Variants in RANBP3 observed in about 807,000 individuals in gnomAD.
RANBP3 encodes the protein RAN binding protein 3, also known as ran-binding protein 3.
In RANBP3, 14 loss-of-function variants were observed where a neutral mutation model predicts 77.3. The observed-to-expected ratio is 0.18, with a 90% CI of 0.12 to 0.28. The LOEUF is 0.28. Among genes scored for constraint, RANBP3 ranks in the 10% least tolerant of loss-of-function variants. RANBP3 has a pLI of 1.00. For missense variants in RANBP3, 586 were observed against 752.3 expected (o/e 0.78, Z 2.59); for synonymous variants, 315 against 312.4 (o/e 1.01, Z -0.09).
chr19:5,968,213 G>C (rs532086567), intron 1 of RANBP3, among the ~76,000 whole-genome samples: 41 of 152,274 alleles, frequency 2.7e-4, no homozygotes, highest in African/African-American at 9.9e-4. Flanking sequence ...AAGCTTACAG[G>C]AAGGAAATCC....
intron 2 of RANBP3, among the ~76,000 whole-genome samples, chr19:5,956,911 A>G (rs1168396479): frequency 6.6e-6 from 1 of 152,214 alleles, no homozygotes; most frequent in African/African-American, 2.4e-5. Context: ...CATCCTCAAA[A>G]TGCACCGAAT....
At position 5,924,800 on chromosome 19, in the gene RANBP3, GA is replaced by G; in HGVS notation, c.996+26del. On this transcript the variant is annotated intron_variant, in intron 11 of 16. Transcript: ENST00000340578. This position sits in a 1 kb window ranked among gnomAD's most constrained non-coding sequence, Gnocchi z 4.7. ...CTGGCGCCGAGAGCCTCTGGTCCCT[GA>G]GAACATTCCCAACACAGCCACTCAC... 6.2e-7 allele frequency: 1 copy of G among 1,604,284 alleles called. No homozygotes were observed. The highest frequency in any genetic ancestry group is 8.5e-7 in the Non-Finnish European group (1 of 1,171,022).
At chr19:5,930,560 C>T (rs1171959287) in intron 8 of RANBP3, among the ~76,000 whole-genome samples, 4 of 152,188 alleles carry the variant, frequency 2.6e-5, no homozygotes, top group Admixed American at 6.5e-5. Context: ...ACCATACCCC[C>T]GCTTAAATGG....
chr19:5,931,804 G>A (rs1043476549), intron 7 of RANBP3, among the ~76,000 whole-genome samples: 2 of 152,150 alleles, frequency 1.3e-5, no homozygotes, highest in Non-Finnish European at 2.9e-5. Flanking sequence ...AGGCTGAAGC[G>A]GGGAGAATGC....
At chr19:5,923,752 C>T in intron 12 of RANBP3, 60 bp downstream of exon 12, 1 of 1,406,180 alleles carries the variant, frequency 7.1e-7, no homozygotes, top group Non-Finnish European at 1.0e-6. Context: ...TGTGAATGGA[C>T]CCAGCATCCC....
intron 9 of RANBP3, among the ~76,000 whole-genome samples, chr19:5,927,034 C>T (rs529399184): frequency 6.6e-6 from 1 of 152,240 alleles, no homozygotes; most frequent in East Asian, 1.9e-4. Flanking sequence ...GAGTGGCATC[C>T]CTGACCTCCA....
intron 5 of RANBP3, among the ~76,000 whole-genome samples, chr19:5,941,005 G>T (rs1246335887): frequency 6.6e-6 from 1 of 152,242 alleles, no homozygotes; most frequent in Non-Finnish European, 1.5e-5. Flanking sequence ...CTCAGACCAG[G>T]CCTCACGTCC....
At chr19:5,944,912 G>A (rs2058184757) in intron 3 of RANBP3, among the ~76,000 whole-genome samples, 1 of 152,188 alleles carries the variant, frequency 6.6e-6, no homozygotes, top group South Asian at 2.1e-4. Context: ...GGTCCTGGGG[G>A]ATCTGTCCCT....
At chr19:5,968,677 G>A (rs11085155) in intron 1 of RANBP3, among the ~76,000 whole-genome samples, 18,682 of 152,196 alleles carry the variant, frequency 0.12, 1,515 homozygotes, top group Middle Eastern at 0.18. Flanking sequence ...CAAGGCAAAC[G>A]CTCAGGTGCT....
At chr19:5,923,762 C>T in intron 12 of RANBP3, 50 bp downstream of exon 12, 2 of 1,479,656 alleles carry the variant, frequency 1.4e-6, no homozygotes, top group Non-Finnish European at 1.9e-6. Context: ...CCCAGCATCC[C>T]CCAAGATGAC....
In RANBP3 at chr19:5,952,365, C is replaced by T. The variant is rs1446243063; in HGVS notation, c.79-769G>A. On this transcript the variant is annotated intron_variant, in intron 2 of 16. Transcript: ENST00000340578. This position sits in a 1 kb window ranked among gnomAD's most constrained non-coding sequence, Gnocchi z 4.1. The stretch of plus-strand genomic sequence containing the variant: ...ATTTGGAAAGCTGCCAAGGTGAGAG[C>T]AGCCGGTTCCAGAAGTCTTCCTCCC... 6.6e-6 allele frequency among the ~76,000 whole-genome samples: 1 copy of T among 152,148 alleles called. No homozygotes were observed. The highest frequency in any genetic ancestry group is 1.5e-5 in the Non-Finnish European group (1 of 68,002).
intron 15 of RANBP3, 107 bp downstream of exon 15, chr19:5,918,389 C>CGCCGGG: frequency 4.2e-6 from 1 of 236,546 alleles, no homozygotes; most frequent in Non-Finnish European, 8.6e-6. Context: ...GCAACTGAAG[C>CGCCGGG]CCCTCCCCCC....
In RANBP3 at chr19:5,951,444, C is replaced by G; in HGVS notation, c.231G>C (p.Pro77=). The G allele has an allele frequency of 1.3e-6, 2 of 1,595,668 alleles. No individual in the cohort carries two copies. Among genetic ancestry groups the G allele is most frequent in the Middle Eastern group, 1.7e-4 (1 of 5,902 alleles). The change falls in exon 3 of 17, where the codon CCG becomes CCC. Residue 77 remains proline, a synonymous_variant. Transcript: ENST00000340578. Reference sequence around the variant, plus strand: ...GAAGCTGGGCTTCAGGAGCGGGAGGCGGAGGAGTGCTGGCTGAGGCGCCAG... The same window carrying G: ...GAAGCTGGGCTTCAGGAGCGGGAGGGGGAGGAGTGCTGGCTGAGGCGCCAG... ...APAGASASTP[P]PPAPEAQLPP...
chr19:5,965,575 C>T (rs1360912889), intron 1 of RANBP3, among the ~76,000 whole-genome samples: 1 of 152,108 alleles, frequency 6.6e-6, no homozygotes, highest in Non-Finnish European at 1.5e-5. Context: ...GTGGTGGGGG[C>T]TTCCCAGACT....
At chr19:5,949,805 C>T (rs914300772) in intron 3 of RANBP3, among the ~76,000 whole-genome samples, 3 of 152,172 alleles carry the variant, frequency 2.0e-5, no homozygotes, top group African/African-American at 7.2e-5. Context: ...GGTGAGGCCC[C>T]TCCAGACACT....
intron 9 of RANBP3, among the ~76,000 whole-genome samples, chr19:5,927,093 C>A (rs1272964392): frequency 1.3e-5 from 2 of 152,160 alleles, no homozygotes; most frequent in East Asian, 3.9e-4. Context: ...GACACAGCCA[C>A]CGATACCGCC....
intron 3 of RANBP3, among the ~76,000 whole-genome samples, chr19:5,945,849 C>T (rs1245361293): frequency 2.0e-5 from 3 of 151,806 alleles, no homozygotes; most frequent in Non-Finnish European, 2.9e-5. Flanking sequence ...GCTCTAGAAG[C>T]AGCCCCGGGA....
rs528811724 is a variant in RANBP3, at chr19:5,945,835, C to T, written c.283-4000G>A. Among the ~76,000 whole-genome samples, 4 of 152,094 alleles carry T rather than the reference C, an allele frequency of 2.6e-5. No individual in the cohort carries two copies. The South Asian group carries it at 8.3e-4, about 32-fold the overall frequency. On this transcript the variant is annotated intron_variant, in intron 3 of 16. Coordinates refer to ENST00000340578, the MANE Select transcript of RANBP3 (RefSeq NM_007322.3). ...TCCCAACAGTCTCTTGGGGTCTACT[C>T]GTGGCTCTAGAAGCAGCCCCGGGAA...
chr19:5,951,775 CG>C (rs1156580652), intron 2 of RANBP3, among the ~76,000 whole-genome samples, 179 bp from the exon 3 acceptor site: 1 of 152,140 alleles, frequency 6.6e-6, no homozygotes, highest in African/African-American at 2.4e-5. Flanking sequence ...ACCGGCTCTC[CG>C]GCTGACGGAA....
Sources: gnomAD v4.1 joint callset for allele counts (sites outside exome capture counted in the v4.1 genomes callset) on GRCh38, gnomAD v4.1.1 for gene constraint, Gnocchi (gnomAD v3.1) non-coding constraint, MANE v1.5 for transcripts, NCBI Gene and HGNC (gene_info 2026-07-23, HGNC 2026-07-21) for gene names.